TMEM131L: variants seen among roughly 807,000 people sequenced by gnomAD.
The protein encoded by TMEM131L is transmembrane protein 131-like.
Under a neutral mutation model 192.2 loss-of-function variants are expected in TMEM131L, and 54 were observed. That is an observed-to-expected ratio of 0.28 (90% CI 0.23 to 0.35). The LOEUF is 0.35. Among genes scored for constraint, TMEM131L ranks in the 10% least tolerant of loss-of-function variants. The pLI is 1.00. For missense variants in TMEM131L, 1,888 were observed against 1,972.9 expected (o/e 0.96, Z 0.82); for synonymous variants, 701 against 704.9 (o/e 0.99, Z 0.09).
chr4:153,508,420 G>A (rs1734129308), intron 3 of TMEM131L, among the ~76,000 whole-genome samples: 3 of 152,136 alleles, frequency 2.0e-5, no homozygotes, highest in Admixed American at 2.0e-4. Flanking sequence ...CATGAAGACT[G>A]GAATTGTTGA....
intron 7 of TMEM131L, among the ~76,000 whole-genome samples, chr4:153,568,371 G>A (rs1729365478): frequency 6.6e-6 from 1 of 152,094 alleles, no homozygotes; most frequent in Non-Finnish European, 1.5e-5. Context: ...CGGCTTTCTT[G>A]GCTACTGTGA....
intron 3 of TMEM131L, among the ~76,000 whole-genome samples, chr4:153,527,876 A>T (rs116307314): frequency 0.012 from 1,893 of 152,216 alleles, 45 homozygotes; most frequent in African/African-American, 0.043. Flanking sequence ...TTTTACTGCG[A>T]CCTGCCTCAG....
intron 3 of TMEM131L, among the ~76,000 whole-genome samples, chr4:153,535,226 GT>G (rs1305368528): frequency 6.6e-6 from 1 of 152,136 alleles, no homozygotes. Context: ...TGACTCCAGG[GT>G]TATTGGCTTG....
At chr4:153,578,398 C>T (rs1730103962) in intron 7 of TMEM131L, among the ~76,000 whole-genome samples, 1 of 152,014 alleles carries the variant, frequency 6.6e-6, no homozygotes, top group African/African-American at 2.4e-5. Flanking sequence ...TCTTGTCACC[C>T]AGGCTGGAGT....
intron 3 of TMEM131L, among the ~76,000 whole-genome samples, chr4:153,538,894 G>A (rs1736546905): frequency 6.6e-6 from 1 of 151,644 alleles, no homozygotes; most frequent in South Asian, 2.1e-4. Flanking sequence ...TTGTTTTCCT[G>A]GCAGCAGTTT....
intron 3 of TMEM131L, among the ~76,000 whole-genome samples, chr4:153,509,837 A>G (rs143814073): frequency 4.3e-4 from 65 of 152,238 alleles, no homozygotes; most frequent in African/African-American, 1.5e-3. Flanking sequence ...TATTGGCCCC[A>G]CCCTAAAGTA....
At chr4:153,622,114 C>T (rs1578886339) in intron 28 of TMEM131L, among the ~76,000 whole-genome samples, 2 of 152,162 alleles carry the variant, frequency 1.3e-5, no homozygotes, top group South Asian at 4.1e-4. Flanking sequence ...AGGAATGATG[C>T]TTGCTTGCTG....
intron 3 of TMEM131L, among the ~76,000 whole-genome samples, chr4:153,524,929 T>C (rs1382934884): frequency 6.6e-6 from 1 of 152,182 alleles, no homozygotes; most frequent in Non-Finnish European, 1.5e-5. Flanking sequence ...CATGGGAAGG[T>C]ATGATATTGG....
chr4:153,527,651 G>A (rs1735594754), intron 3 of TMEM131L, among the ~76,000 whole-genome samples: 1 of 152,168 alleles, frequency 6.6e-6, no homozygotes, highest in Non-Finnish European at 1.5e-5. Context: ...CCCCTGCCCT[G>A]ATTTAATGTT....
rs372912929 is a variant in TMEM131L at position 153,585,646 on chromosome 4, A to G, written c.1311+35A>G. 158 of 1,524,118 alleles carry G rather than the reference A, an allele frequency of 1.0e-4. 3 individuals carry two copies. The highest frequency in any genetic ancestry group is 4.9e-4 in the African/African-American group (35 of 71,794). 94.4% of individuals were successfully genotyped at this position (1,524,118 alleles called of 1,614,324 possible). On this transcript the variant is annotated intron_variant, in intron 13 of 34. Transcript: ENST00000409959. ...GTATTTTTTCCCCAAGTTTTAGCTT[A>G]TTTTAAGCTTTGTTTAAGGTCAGAT...
At chr4:153,611,965 G>A (rs112780340) in intron 25 of TMEM131L, among the ~76,000 whole-genome samples, 1 of 152,038 alleles carries the variant, frequency 6.6e-6, no homozygotes, top group Non-Finnish European at 1.5e-5. Context: ...TGGACACTTG[G>A]CATTTTCCCA....
At chr4:153,574,683 G>A (rs1396883433) in intron 7 of TMEM131L, among the ~76,000 whole-genome samples, 1 of 152,170 alleles carries the variant, frequency 6.6e-6, no homozygotes, top group African/African-American at 2.4e-5. Context: ...CGCCTCCCGG[G>A]TTCAAGCAAT....
chr4:153,505,978 T>C (rs1357353494), intron 3 of TMEM131L, among the ~76,000 whole-genome samples: 4 of 152,200 alleles, frequency 2.6e-5, no homozygotes, highest in Non-Finnish European at 2.9e-5. Context: ...ATAGCTTGAA[T>C]TCTTGTCTTT....
intron 3 of TMEM131L, among the ~76,000 whole-genome samples, chr4:153,542,510 C>T (rs1336709661): frequency 3.3e-5 from 5 of 152,176 alleles, no homozygotes; most frequent in African/African-American, 7.2e-5. Context: ...AGGTGCGCTT[C>T]GGCAAGTTGT....
At chr4:153,580,933 T>A in intron 8 of TMEM131L, 30 bp downstream of exon 8, 1 of 1,429,732 alleles carries the variant, frequency 7.0e-7, no homozygotes, top group Non-Finnish European at 9.9e-7. Flanking sequence ...GTTTTCTCTC[T>A]GCTTTCCTCC....
At chr4:153,598,829 T>A (rs1056344041) in intron 21 of TMEM131L, 97 bp downstream of exon 21, 19 of 978,550 alleles carry the variant, frequency 1.9e-5, no homozygotes, top group Admixed American at 1.9e-4. Flanking sequence ...TCTAAAATTT[T>A]AAATTTTTAA....
intron 7 of TMEM131L, among the ~76,000 whole-genome samples, chr4:153,573,016 A>G (rs1041846683): frequency 6.6e-6 from 1 of 152,232 alleles, no homozygotes. Flanking sequence ...AGGTTCTCCC[A>G]TGTTATATAG....
chr4:153,545,150 G>A (rs1737073576), intron 3 of TMEM131L, among the ~76,000 whole-genome samples: 1 of 152,138 alleles, frequency 6.6e-6, no homozygotes, highest in South Asian at 2.1e-4. Flanking sequence ...GGATCTTGGA[G>A]TCATCCAATG....
chr4:153,612,324 C>T lies in TMEM131L; in HGVS notation c.3491C>T (p.Pro1164Leu), dbSNP rs751710787. ...AATTTGAAGAAGGTGGACACAAAGC[C>T]TTCTTCAGAAAAGAAGATTCACAAA... is the stretch of plus-strand genomic sequence containing the variant. Reference protein sequence around the residue: ...CENLKKVDTKPSSEKKIHKTS... With the variant: ...CENLKKVDTKLSSEKKIHKTS... The change falls in exon 26 of 35, where the codon CCT (proline) becomes CTT (leucine). Residue 1164 changes from proline (P) to leucine (L), a missense_variant. Transcript: ENST00000409959. 6.2e-7 allele frequency: 1 copy of T among 1,600,452 alleles called. No individual in the cohort carries two copies. The highest frequency in any genetic ancestry group is 2.3e-5 in the East Asian group (1 of 44,408).
Sources: gnomAD v4.1 joint callset for allele counts (sites outside exome capture counted in the v4.1 genomes callset) on GRCh38, gnomAD v4.1.1 for gene constraint, MANE v1.5 for transcripts, NCBI Gene and HGNC (gene_info 2026-07-23, HGNC 2026-07-21) for gene names.